The following VWCE variants were observed in gnomAD, a reference collection of about 807,000 sequenced individuals.
VWCE encodes the protein von Willebrand factor C and EGF domains.
Under a neutral mutation model 102.9 loss-of-function variants are expected in VWCE, and 68 were observed. The observed-to-expected ratio is 0.66, with a 90% confidence interval of 0.54 to 0.81. VWCE has a LOEUF of 0.81. VWCE is among the 30% of genes least tolerant of loss of function. The pLI is 0.00. For missense variants in VWCE, 1,137 were observed against 1,263.6 expected (o/e 0.90, Z 1.52); for synonymous variants, 497 against 515.4 (o/e 0.96, Z 0.48).
In VWCE at chr11:61,258,350, GTCCCAGTGAGTGGAA is replaced by G. The variant is rs370019807; in HGVS notation, c.*310_*324del. On this transcript the variant is annotated 3_prime_UTR_variant, in exon 20 of 20. Coordinates refer to ENST00000335613, the MANE Select transcript of VWCE (RefSeq NM_152718.2). ...GAGACGCATGACACCTGGCGGTACA[GTCCCAGTGAGTGGAA>G]TCCCAGCCGGACGCAACTCTTCCTC... 367 of 219,242 alleles carry G rather than the reference GTCCCAGTGAGTGGAA, an allele frequency of 1.7e-3. 5 individuals are homozygous for G. Among genetic ancestry groups the G allele is most frequent in the African/African-American group, 7.3e-3 (321 of 44,248 alleles). The allele number at this position is 219,242 out of a possible 1,614,324, so 13.6% of individuals were successfully genotyped here.
intron 12 of VWCE, 49 bp from the exon 13 acceptor site, chr11:61,273,365 G>T: frequency 6.5e-7 from 1 of 1,532,610 alleles, no homozygotes. Flanking sequence ...CCCTGCCTGG[G>T]GACCATGGAG....
At chr11:61,278,974 C>T (rs182280763) in intron 9 of VWCE, among the ~76,000 whole-genome samples, 68 of 151,818 alleles carry the variant, frequency 4.5e-4, no homozygotes, top group South Asian at 2.1e-4. Flanking sequence ...GGGAGGCAGA[C>T]GTTGCAGTGA....
intron 1 of VWCE, among the ~76,000 whole-genome samples, chr11:61,291,831 G>A (rs1348447487): frequency 1.3e-5 from 2 of 152,348 alleles, no homozygotes; most frequent in East Asian, 1.9e-4. Context: ...GAGTGGCCAG[G>A]AGAGGGGCCT....
chr11:61,293,234 T>C (rs1388654185), intron 1 of VWCE, among the ~76,000 whole-genome samples: 3 of 56,530 alleles, frequency 5.3e-5, no homozygotes, highest in East Asian at 5.0e-4. Flanking sequence ...AGAGCAAAAC[T>C]CCATCTCAAA....
chr11:61,291,297 A>G lies in VWCE; in HGVS notation c.262T>C (p.Cys88Arg). 6.2e-7 allele frequency: 1 copy of G among 1,606,820 alleles called. No homozygotes were observed. The highest frequency in any genetic ancestry group is 1.1e-5 in the South Asian group (1 of 89,864). ...GTGGCCCCTTGCTCTCCATCCTGGCAGGAGCAGACATTGGGAGCGATGCAG... is the reference window on the plus strand; with the variant it reads ...GTGGCCCCTTGCTCTCCATCCTGGCGGGAGCAGACATTGGGAGCGATGCAG... ...GICIAPNVCS[C>R]QDGEQGATCP... The change falls in exon 3 of 20, where the codon TGC becomes CGC. Residue 88 changes from cysteine to arginine, a missense_variant. By Grantham distance (180) the Cys-to-Arg change is radical. This residue lies in a region of VWCE where 575 missense variants were observed against 625.9 expected (regional missense o/e 0.92). Coordinates refer to ENST00000335613, the MANE Select transcript of VWCE (RefSeq NM_152718.2).
intron 1 of VWCE, among the ~76,000 whole-genome samples, chr11:61,293,011 G>T (rs1855556819): frequency 6.6e-6 from 1 of 152,042 alleles, no homozygotes; most frequent in African/African-American, 2.4e-5. Context: ...GGAGGCCAAG[G>T]CGGGCGGATC....
intron 13 of VWCE, 152 bp from the exon 14 acceptor site, chr11:61,271,912 T>C (rs1854718791): frequency 2.9e-6 from 2 of 681,826 alleles, no homozygotes; most frequent in Non-Finnish European, 5.2e-6. Flanking sequence ...AAATGCACAC[T>C]TACACAGATA....
chr11:61,282,931 G>T (rs777689272), intron 5 of VWCE, 26 bp from the exon 6 acceptor site: 2 of 1,584,996 alleles, frequency 1.3e-6, no homozygotes, highest in Non-Finnish European at 1.7e-6. Context: ...ACAAGACTGG[G>T]GTTCATTTCC....
chr11:61,286,912 A>G (rs1169394075), intron 4 of VWCE, among the ~76,000 whole-genome samples: 1 of 152,070 alleles, frequency 6.6e-6, no homozygotes, highest in South Asian at 2.1e-4. Context: ...CCTGGCTAAC[A>G]TGGTGAAACC....
In VWCE at chr11:61,280,619, C is replaced by G. The variant is rs767199213; in HGVS notation, c.1324+5G>C. 4 of 1,613,788 alleles carry G rather than the reference C, an allele frequency of 2.5e-6. No homozygotes were observed. Among genetic ancestry groups the G allele is most frequent in the Non-Finnish European group, 3.4e-6 (4 of 1,179,912 alleles). On this transcript the variant is annotated splice_donor_5th_base_variant and intron_variant, in intron 9 of 19. Coordinates refer to ENST00000335613, the MANE Select transcript of VWCE (RefSeq NM_152718.2). ...ACTATGTCCTTCCCTGGCACCAGCT[C>G]TCACCTGTGCACGATGGGCAGCACC...
Position 61,269,012 on chromosome 11 carries a change from C to A in VWCE, c.1792G>T (p.Gly598Cys). The change falls in exon 15 of 20, where the codon GGC (glycine) becomes TGC (cysteine). Residue 598 changes from glycine (G) to cysteine (C), a missense_variant. Around this residue, in one of 5 missense-constraint regions of VWCE, gnomAD observed 212 missense variants for 235.1 expected, o/e 0.90. Coordinates refer to ENST00000335613, the MANE Select transcript of VWCE (RefSeq NM_152718.2). ...PCELCICQAD[G>C]SVSCKRTDCV... is the part of the protein sequence containing the mutation. ...TCTGTCCTCTTGCAGCTCACCGAGC[C>A]ATCTGCCTGGAGGAAGGAGGAACTT... 6.2e-7 allele frequency: 1 copy of A among 1,614,078 alleles called. No homozygotes were observed. The highest frequency in any genetic ancestry group is 1.1e-5 in the South Asian group (1 of 91,078).
At chr11:61,260,674 A>T (rs1330875822) in intron 19 of VWCE, among the ~76,000 whole-genome samples, 4 of 152,116 alleles carry the variant, frequency 2.6e-5, no homozygotes, top group Non-Finnish European at 2.9e-5. Flanking sequence ...CAGAACCCTT[A>T]TACTGGCCCA....
chr11:61,281,728 T>C (rs1419589562), intron 7 of VWCE, 58 bp downstream of exon 7: 1 of 1,441,320 alleles, frequency 6.9e-7, no homozygotes, highest in South Asian at 1.4e-5. Flanking sequence ...GGGGCGTAGC[T>C]GGGGCAGGCA....
rs1260708422 is a variant in VWCE at position 61,273,214 on chromosome 11, G to A, written c.1684C>T (p.Pro562Ser). ...PGQCCFTCQE[P>S]TPSTGCSLDD... ...ACCAGCTCACCTGTCGAGGGTGTGG[G>A]CTCCTGGCAGGTGAAGCAACACTGC... The change falls in exon 13 of 20, where the codon CCC becomes TCC. Residue 562 changes from proline (P) to serine (S), a missense_variant. Around this residue, in one of 5 missense-constraint regions of VWCE, gnomAD observed 212 missense variants for 235.1 expected, o/e 0.90. Transcript: ENST00000335613. The A allele has an allele frequency of 1.2e-6, 2 of 1,613,764 alleles. No individual in the cohort carries two copies. Among genetic ancestry groups the A allele is most frequent in the Non-Finnish European group, 1.7e-6 (2 of 1,179,950 alleles).
In VWCE at chr11:61,280,992, G is replaced by A; in HGVS notation, c.1031C>T (p.Pro344Leu). The change falls in exon 8 of 20, where the codon CCA (proline) becomes CTA (leucine). Residue 344 changes from proline (P) to leucine (L), a missense_variant. Pro to Leu is a moderately conservative substitution (Grantham distance 98). Transcript: ENST00000335613. Reference protein sequence around the residue: ...VWLLSTLLATPVPTASLLGNL... With the variant: ...VWLLSTLLATLVPTASLLGNL... ...CCCCAGCAGGGAGGCAGTAGGCACT[G>A]GGGTGGCCAGCAGGGTGGACAGCAG... 1 of 1,552,682 alleles carries A rather than the reference G, an allele frequency of 6.4e-7. No homozygotes were observed. The highest frequency in any genetic ancestry group is 8.7e-7 in the Non-Finnish European group (1 of 1,149,942).
At position 61,258,549 on chromosome 11, in the gene VWCE, C is replaced by T. The variant is rs1259944943; in HGVS notation, c.*126G>A. The stretch of plus-strand genomic sequence containing the variant: ...TCCAGCCTTGGGGGTCTTCCATCCT[C>T]ACCAGGGCCCCTGCAGGAGGGAGCC... On this transcript the variant is annotated 3_prime_UTR_variant, in exon 20 of 20. Coordinates refer to ENST00000335613, the MANE Select transcript of VWCE (RefSeq NM_152718.2). 1 of 1,004,772 alleles carries T rather than the reference C, an allele frequency of 1.0e-6. No individual in the cohort carries two copies. The highest frequency in any genetic ancestry group is 3.1e-5 in the East Asian group (1 of 31,852). The allele number at this position is 1,004,772 out of a possible 1,614,324, so 62.2% of individuals were successfully genotyped here. A position where few individuals can be genotyped will look rare whatever the true frequency, so the allele number is the denominator to read the frequency against.
intron 15 of VWCE, 132 bp from the exon 16 acceptor site, chr11:61,267,676 G>C (rs889356565): frequency 7.8e-6 from 6 of 766,012 alleles, no homozygotes; most frequent in Non-Finnish European, 1.3e-5. Flanking sequence ...GTCACCCTGG[G>C]AGTTAGGGAA....
chr11:61,261,344 G>A (rs1036455199), intron 19 of VWCE, among the ~76,000 whole-genome samples: 5 of 152,096 alleles, frequency 3.3e-5, no homozygotes, highest in Non-Finnish European at 5.9e-5. Flanking sequence ...AGATGGTTGC[G>A]TAACTCTAAA....
Position 61,294,878 on chromosome 11 carries a change from C to A in VWCE, c.110+50G>T, listed in dbSNP as rs995472210. On this transcript the variant is annotated intron_variant, in intron 1 of 19. Transcript: ENST00000335613. This position sits in a 1 kb window ranked among gnomAD's most constrained non-coding sequence, Gnocchi z 6.3. ...CCCTCCGCGCCTCTCGACTGCACGC[C>A]GGTAGCGCTCTCCCGGGCGGGGGAG... is the stretch of plus-strand genomic sequence containing the variant. 6.3e-6 allele frequency: 8 copies of A among 1,273,772 alleles called. No homozygotes were observed. The highest frequency in any genetic ancestry group is 1.6e-5 in the African/African-American group (1 of 64,392). 78.9% of individuals were successfully genotyped at this position (1,273,772 alleles called of 1,614,324 possible).
Sources: allele counts gnomAD v4.1 joint callset (sites outside exome capture counted in the v4.1 genomes callset), GRCh38; gene constraint gnomAD v4.1.1; regional missense constraint gnomAD v4.1.1; non-coding constraint Gnocchi (gnomAD v3.1); transcripts MANE v1.5; gene names NCBI Gene and HGNC (gene_info 2026-07-23, HGNC 2026-07-21).